LRRIQ1: variants seen among roughly 807,000 people sequenced by gnomAD.
The protein encoded by LRRIQ1 is leucine rich repeats and IQ motif containing 1, also known as leucine-rich repeat- and IQ domain-containing protein 1.
LRRIQ1 carries 210 observed loss-of-function variants against 211.9 expected under a neutral mutation model. The observed-to-expected ratio is 0.99, with a 90% CI of 0.89 to 1.11. The LOEUF (loss-of-function observed/expected upper bound fraction) is 1.11. LRRIQ1 is among the 50% of genes most tolerant of loss of function. LRRIQ1 has a pLI of 0.00. For synonymous variants in LRRIQ1, 699 were observed against 650.1 expected (o/e 1.08, Z -1.14); for missense variants, 2,136 against 1,939.5 (o/e 1.10, Z -1.90).
chr12:85,083,971 G>C (rs1303615786), intron 11 of LRRIQ1, among the ~76,000 whole-genome samples: 1 of 152,086 alleles, frequency 6.6e-6, no homozygotes, highest in Non-Finnish European at 1.5e-5. Flanking sequence ...AGAGATACTT[G>C]AAAGCAGAGA....
At chr12:85,188,501 G>A (rs894671469) in intron 24 of LRRIQ1, among the ~76,000 whole-genome samples, 1 of 152,084 alleles carries the variant, frequency 6.6e-6, no homozygotes. Context: ...GCAAAATCAA[G>A]ATCAAAGCAT....
downstream of LRRIQ1, among the ~76,000 whole-genome samples, chr12:85,246,654 A>G (rs564248782): frequency 6.6e-6 from 1 of 151,568 alleles, no homozygotes; most frequent in Admixed American, 6.6e-5. Context: ...ACATTCTCCA[A>G]GAAGCTGAAA....
intron 11 of LRRIQ1, among the ~76,000 whole-genome samples, chr12:85,081,726 T>C (rs527993361): frequency 0.019 from 2,302 of 118,680 alleles, 26 homozygotes; most frequent in Non-Finnish European, 0.029. Flanking sequence ...TCTTCTTCTT[T>C]TTTTTTTTTT....
Position 85,217,612 on chromosome 12 carries a change from A to ATATATG in LRRIQ1, c.4823-11900_4823-11899insGTATAT, listed in dbSNP as rs1565909998. ...TATATATGTATATATGTATATGTGTATATATATGTATATATGTATATATGT... is the reference window on the plus strand; with the variant it reads ...TATATATGTATATATGTATATGTGTATATATGTATATATGTATATATGTATATATGT... On this transcript the variant is annotated intron_variant, in intron 24 of 26. Transcript: ENST00000393217. Among the ~76,000 whole-genome samples, 52 of 127,320 alleles carry ATATATG rather than the reference A, an allele frequency of 4.1e-4. 1 individual carries two copies. The highest frequency in any genetic ancestry group is 1.7e-3 in the African/African-American group (45 of 26,932). The allele number at this position is 127,320 out of a possible 152,430, so 83.5% of individuals were successfully genotyped here.
At chr12:85,173,079 A>G (rs1380188844) in intron 24 of LRRIQ1, among the ~76,000 whole-genome samples, 2 of 152,192 alleles carry the variant, frequency 1.3e-5, no homozygotes, top group Non-Finnish European at 2.9e-5. Flanking sequence ...ATTGCATTCT[A>G]GCCTGGTGAC....
chr12:85,236,793 G>A (rs1895191357), intron 26 of LRRIQ1, among the ~76,000 whole-genome samples: 1 of 134,204 alleles, frequency 7.5e-6, no homozygotes, highest in South Asian at 2.3e-4. Context: ...TCTTTTTGAT[G>A]TATATATATT....
At chr12:85,135,311 T>G (rs1889045981) in intron 18 of LRRIQ1, among the ~76,000 whole-genome samples, 1 of 151,446 alleles carries the variant, frequency 6.6e-6, no homozygotes, top group Non-Finnish European at 1.5e-5. Context: ...TTGTTCTGAT[T>G]CAGGTTTTTT....
intron 18 of LRRIQ1, among the ~76,000 whole-genome samples, chr12:85,129,189 T>G (rs1294584331): frequency 1.3e-5 from 2 of 152,200 alleles, no homozygotes; most frequent in Non-Finnish European, 2.9e-5. Flanking sequence ...TTTTAAAAAT[T>G]TATTTACTCA....
At chr12:85,161,349 C>G (rs925545416) in intron 24 of LRRIQ1, among the ~76,000 whole-genome samples, 7 of 151,884 alleles carry the variant, frequency 4.6e-5, no homozygotes, top group African/African-American at 1.7e-4. Flanking sequence ...ATCTGCTTTC[C>G]TTTTAATATT....
chr12:85,246,999 C>T (rs545001102), downstream of LRRIQ1, among the ~76,000 whole-genome samples: 102 of 151,390 alleles, frequency 6.7e-4, no homozygotes, highest in African/African-American at 2.2e-3. Flanking sequence ...CAAATGCATA[C>T]GAGTTAGAAC....
chr12:85,192,878 A>T (rs1892642116), intron 24 of LRRIQ1, among the ~76,000 whole-genome samples: 1 of 100,278 alleles, frequency 1.0e-5, no homozygotes, highest in Non-Finnish European at 1.8e-5. Flanking sequence ...TTATAATTAT[A>T]CATAAATATA....
intron 24 of LRRIQ1, among the ~76,000 whole-genome samples, chr12:85,177,807 CAA>C (rs968637441): frequency 1.3e-4 from 20 of 152,100 alleles, no homozygotes; most frequent in African/African-American, 3.9e-4. Flanking sequence ...AGGAAGGAAA[CAA>C]GAGTAAACAC....
At chr12:85,242,310 A>G (rs1300456787) in intron 26 of LRRIQ1, among the ~76,000 whole-genome samples, 1 of 151,978 alleles carries the variant, frequency 6.6e-6, no homozygotes, top group East Asian at 1.9e-4. Context: ...GAAAATATTC[A>G]AACAAACAAA....
chr12:85,184,017 A>C (rs1375803244), intron 24 of LRRIQ1, among the ~76,000 whole-genome samples: 1 of 152,066 alleles, frequency 6.6e-6, no homozygotes, highest in Non-Finnish European at 1.5e-5. Context: ...AAGCATTTCA[A>C]ATCCTTTTTC....
chr12:85,142,198 G>A (rs1231923001), intron 19 of LRRIQ1, among the ~76,000 whole-genome samples: 1 of 151,206 alleles, frequency 6.6e-6, no homozygotes, highest in African/African-American at 2.4e-5. Flanking sequence ...GAAGATATTG[G>A]CTTCCTATCC....
chr12:85,197,445 T>C (rs1255422210), intron 24 of LRRIQ1, among the ~76,000 whole-genome samples: 1 of 150,992 alleles, frequency 6.6e-6, no homozygotes, highest in Non-Finnish European at 1.5e-5. Flanking sequence ...CCAACAATGA[T>C]AGACTGGATT....
intron 19 of LRRIQ1, among the ~76,000 whole-genome samples, chr12:85,143,725 G>A (rs1889697092): frequency 1.3e-5 from 2 of 151,340 alleles, no homozygotes; most frequent in South Asian, 4.2e-4. Flanking sequence ...CCATTTATAT[G>A]TTGAAATTTT....
intron 24 of LRRIQ1, among the ~76,000 whole-genome samples, chr12:85,200,079 T>C (rs1893215412): frequency 6.6e-6 from 1 of 152,234 alleles, no homozygotes; most frequent in South Asian, 2.1e-4. Context: ...ATTTTAACAA[T>C]ATTGATTCTT....
chr12:85,194,958 T>A lies in LRRIQ1; in HGVS notation c.4822+34244T>A, dbSNP rs1040362581. ...AATAAAGAAAAAACAGAGAGAAGAA[T>A]CAAATAGATGCAATAAAAAATGATA... On this transcript the variant is annotated intron_variant, in intron 24 of 26. Coordinates refer to ENST00000393217, the MANE Select transcript of LRRIQ1 (RefSeq NM_001079910.2). Among the ~76,000 whole-genome samples, 5 of 151,172 alleles carry A rather than the reference T, an allele frequency of 3.3e-5. No homozygotes were observed. The South Asian group carries it at 8.3e-4, about 25-fold the overall frequency.
Sources: gnomAD v4.1 joint callset for allele counts (sites outside exome capture counted in the v4.1 genomes callset) on GRCh38, gnomAD v4.1.1 for gene constraint, MANE v1.5 for transcripts, NCBI Gene and HGNC (gene_info 2026-07-23, HGNC 2026-07-21) for gene names.